SPATA16: variants seen among roughly 807,000 people sequenced by gnomAD.
SPATA16 encodes the protein spermatogenesis associated 16, also known as spermatogenesis-associated protein 16.
SPATA16 carries 36 observed loss-of-function variants against 63.3 expected under a neutral mutation model. The ratio of observed to expected loss-of-function variants is 0.57; its 90% confidence interval spans 0.44 to 0.75. The LOEUF is 0.75. SPATA16 is among the 30% of genes least tolerant of loss of function. The probability of loss-of-function intolerance (pLI) is 0.00; values close to 1 mark genes in which losing one functional copy is unlikely to be tolerated. For synonymous variants in SPATA16, 203 were observed against 216.7 expected, an observed-to-expected ratio of 0.94 and a Z score of 0.56; for missense variants, 646 against 679.3, an observed-to-expected ratio of 0.95 and a Z score of 0.54.
chr3:172,994,052 T>A (rs575717663), intron 4 of SPATA16, among the ~76,000 whole-genome samples: 1 of 152,260 alleles, frequency 6.6e-6, no homozygotes, highest in East Asian at 1.9e-4. Context: ...TCATTCCCAA[T>A]ACTTTTGTTG....
chr3:172,899,525 A>G (rs991034369), intron 10 of SPATA16, among the ~76,000 whole-genome samples: 1 of 151,964 alleles, frequency 6.6e-6, no homozygotes, highest in Non-Finnish European at 1.5e-5. Flanking sequence ...CTACATCATC[A>G]TATTTGAAGT....
chr3:172,922,537 A>G (rs1042643685), intron 8 of SPATA16, among the ~76,000 whole-genome samples: 3 of 152,336 alleles, frequency 2.0e-5, no homozygotes, highest in East Asian at 3.9e-4. Context: ...GTAAGGCCCA[A>G]CCTATGTTCA....
At chr3:173,130,226 G>A (rs187637688) in intron 1 of SPATA16, among the ~76,000 whole-genome samples, 46 of 152,004 alleles carry the variant, frequency 3.0e-4, no homozygotes, top group African/African-American at 1.0e-3. Context: ...TGGGCATGGT[G>A]GCATGTGCCT....
chr3:172,932,985 C>G (rs1316478346), intron 6 of SPATA16, among the ~76,000 whole-genome samples: 1 of 152,138 alleles, frequency 6.6e-6, no homozygotes, highest in Non-Finnish European at 1.5e-5. Context: ...CATAATCCCA[C>G]AGGAATTTTA....
intron 3 of SPATA16, among the ~76,000 whole-genome samples, chr3:173,042,055 T>A (rs1329246313): frequency 6.6e-6 from 1 of 152,124 alleles, no homozygotes; most frequent in Non-Finnish European, 1.5e-5. Context: ...ATCAATTCAT[T>A]CTAAAACTCA....
chr3:172,920,898 CCTG>C (rs953433152), intron 8 of SPATA16, among the ~76,000 whole-genome samples: 6 of 152,088 alleles, frequency 3.9e-5, no homozygotes, highest in African/African-American at 9.7e-5. Flanking sequence ...TTTTGGGTCT[CCTG>C]CTGTTATGAA....
rs141224398 is a variant in SPATA16, at chr3:173,120,380, C to T, written c.-18-2631G>A. Among the ~76,000 whole-genome samples, 542 of 152,184 alleles carry T rather than the reference C, an allele frequency of 3.6e-3. 4 individuals carry two copies. The highest frequency in any genetic ancestry group is 0.012 in the African/African-American group (510 of 41,514). On this transcript the variant is annotated intron_variant, in intron 1 of 10. Transcript: ENST00000351008. ...AGCTCTTGTTTAAAGCTCAAAATAC[C>T]TGATTTTAAGGGTTTCTGGTTCATT... is the stretch of plus-strand genomic sequence containing the variant.
chr3:173,070,165 T>C (rs937149535), intron 2 of SPATA16, among the ~76,000 whole-genome samples: 3 of 151,926 alleles, frequency 2.0e-5, no homozygotes, highest in African/African-American at 7.3e-5. Flanking sequence ...GAGGCCAAGG[T>C]GGGTGGATCA....
intron 3 of SPATA16, among the ~76,000 whole-genome samples, chr3:173,047,961 C>T (rs1735995574): frequency 6.6e-6 from 1 of 152,024 alleles, no homozygotes; most frequent in Admixed American, 6.6e-5. Context: ...TGTGAAATAT[C>T]TTGGGTAGAA....
chr3:173,005,523 C>G (rs148897292), intron 4 of SPATA16, among the ~76,000 whole-genome samples: 48 of 152,176 alleles, frequency 3.2e-4, no homozygotes, highest in Admixed American at 9.8e-4. Flanking sequence ...TTTCTTTGTA[C>G]TCTGCCACAA....
chr3:172,997,141 AAATACC>A (rs1417913340), intron 4 of SPATA16, among the ~76,000 whole-genome samples: 8 of 152,168 alleles, frequency 5.3e-5, no homozygotes. Context: ...TCCTTTGTGT[AAATACC>A]AAGGAGAACA....
chr3:172,920,566 A>G (rs953624032), intron 8 of SPATA16, among the ~76,000 whole-genome samples: 1 of 152,236 alleles, frequency 6.6e-6, no homozygotes, highest in African/African-American at 2.4e-5. Flanking sequence ...GAGAACAAAC[A>G]TATGTATCTT....
intron 2 of SPATA16, among the ~76,000 whole-genome samples, chr3:173,057,115 CTTTT>C (rs397876631): frequency 7.2e-6 from 1 of 138,184 alleles, no homozygotes; most frequent in African/African-American, 2.7e-5. Flanking sequence ...CTTTTCTTTT[CTTTT>C]TTTTTTTTTT....
chr3:172,996,004 C>T (rs557658921), intron 4 of SPATA16, among the ~76,000 whole-genome samples: 2 of 152,162 alleles, frequency 1.3e-5, no homozygotes, highest in South Asian at 2.1e-4. Context: ...AATTTAGTTA[C>T]ATAACCTTAG....
At position 172,943,267 on chromosome 3, in the gene SPATA16, C is replaced by G. The variant is rs146636899; in HGVS notation, c.1081+13410G>C. ...TATGAATAAACGACAACTTTTAAAC[C>G]TGATAAAGAATACTTATCAAAGATC... On this transcript the variant is annotated intron_variant, in intron 6 of 10. Transcript: ENST00000351008. Among the ~76,000 whole-genome samples, 651 of 152,284 alleles carry G rather than the reference C, an allele frequency of 4.3e-3. 2 individuals are homozygous for G. Among genetic ancestry groups the G allele is most frequent in the Non-Finnish European group, 6.8e-3 (462 of 68,026 alleles).
At chr3:172,934,145 A>G (rs1357118443) in intron 6 of SPATA16, among the ~76,000 whole-genome samples, 2 of 152,026 alleles carry the variant, frequency 1.3e-5, no homozygotes, top group African/African-American at 4.8e-5. Flanking sequence ...CCCACTTTGG[A>G]TTAAATTCTA....
intron 6 of SPATA16, among the ~76,000 whole-genome samples, chr3:172,928,014 A>G (rs1732780626): frequency 6.6e-6 from 1 of 151,956 alleles, no homozygotes; most frequent in African/African-American, 2.4e-5. Flanking sequence ...GGTTCAAGCA[A>G]TTCTCCTGCC....
rs570716388 is a variant in SPATA16, at chr3:173,138,241, T to C, written c.-19+2862A>G. On this transcript the variant is annotated intron_variant, in intron 1 of 10. Coordinates refer to ENST00000351008, the MANE Select transcript of SPATA16 (RefSeq NM_031955.6). Reference sequence around the variant, plus strand: ...GGGAGAGCACTGAAGCATTCATGCATGTGAAATCAGATGAACACCCACAAT... The same window carrying C: ...GGGAGAGCACTGAAGCATTCATGCACGTGAAATCAGATGAACACCCACAAT... Among the ~76,000 whole-genome samples the C allele has an allele frequency of 5.9e-5, 9 of 152,288 alleles. No individual in the cohort carries two copies. The South Asian group carries it at 6.2e-4, about 11-fold the overall frequency.
intron 2 of SPATA16, among the ~76,000 whole-genome samples, chr3:173,109,001 G>T: frequency 6.6e-6 from 1 of 152,162 alleles, no homozygotes; most frequent in Non-Finnish European, 1.5e-5. Flanking sequence ...ACGCATGACT[G>T]TATTAAGAAC....
Sources: gnomAD v4.1 joint callset for allele counts (sites outside exome capture counted in the v4.1 genomes callset) on GRCh38, gnomAD v4.1.1 for gene constraint, MANE v1.5 for transcripts, NCBI Gene and HGNC (gene_info 2026-07-23, HGNC 2026-07-21) for gene names.